Variants in AGFG1 observed in about 807,000 individuals in gnomAD.
AGFG1 encodes the protein ArfGAP with FG repeats 1.
A neutral mutation model predicts 60.6 loss-of-function variants in AGFG1; 10 were observed. That is an observed-to-expected ratio of 0.16 (90% CI 0.10 to 0.28). The LOEUF (loss-of-function observed/expected upper bound fraction) is 0.28. Ranked by LOEUF, AGFG1 falls within the 10% of genes least tolerant of loss-of-function variation. The probability of loss-of-function intolerance (pLI) is 1.00; values close to 1 mark genes in which losing one functional copy is unlikely to be tolerated. For missense variants in AGFG1, 537 were observed against 676.5 expected, an observed-to-expected ratio of 0.79 and a Z score of 2.29; for synonymous variants, 247 against 242.9, an observed-to-expected ratio of 1.02 and a Z score of -0.16.
At chr2:227,488,455 T>G (rs1294467758) in intron 1 of AGFG1, among the ~76,000 whole-genome samples, 2 of 152,216 alleles carry the variant, frequency 1.3e-5, no homozygotes, top group Non-Finnish European at 2.9e-5. Flanking sequence ...CTTTTAATAG[T>G]GTTTGATATG....
intron 10 of AGFG1, among the ~76,000 whole-genome samples, chr2:227,540,641 T>G (rs11677609): frequency 0.052 from 7,861 of 152,298 alleles, 264 homozygotes; most frequent in African/African-American, 0.1. Flanking sequence ...TCGTGAATAG[T>G]GCCGCAGTAA....
rs943226234 is a variant in AGFG1, at chr2:227,558,635, T to C, written c.*4140T>C. 6.6e-6 allele frequency: 1 copy of C among 152,194 alleles called. No individual in the cohort carries two copies. The highest frequency in any genetic ancestry group is 2.4e-5 in the African/African-American group (1 of 41,438). 9.4% of individuals were successfully genotyped at this position (152,194 alleles called of 1,614,324 possible). On this transcript the variant is annotated 3_prime_UTR_variant, in exon 13 of 13. Transcript: ENST00000310078. Reference sequence around the variant, plus strand: ...TTTCTTTTTATGTTTTAAAACTTAGTGACATTAAACTTTTCACGTGGTTGT... The same window carrying C: ...TTTCTTTTTATGTTTTAAAACTTAGCGACATTAAACTTTTCACGTGGTTGT...
intron 10 of AGFG1, among the ~76,000 whole-genome samples, 185 bp from the exon 11 acceptor site, chr2:227,551,774 A>T (rs1692827877): frequency 6.6e-6 from 1 of 152,198 alleles, no homozygotes; most frequent in South Asian, 2.1e-4. Flanking sequence ...TAAAATTTCT[A>T]CAAGTTACGT....
intron 5 of AGFG1, among the ~76,000 whole-genome samples, chr2:227,529,423 A>C (rs1056156716): frequency 6.6e-6 from 1 of 152,160 alleles, no homozygotes; most frequent in Non-Finnish European, 1.5e-5. Flanking sequence ...AATTATTCAC[A>C]TATGCCAGTC....
At chr2:227,549,010 CCTT>C (rs1452569352) in intron 10 of AGFG1, among the ~76,000 whole-genome samples, 1 of 96,742 alleles carries the variant, frequency 1.0e-5, no homozygotes, top group Non-Finnish European at 2.3e-5. Flanking sequence ...CCTCAGTTAA[CCTT>C]TTTTTTTTTG....
chr2:227,536,697 A>T lies in AGFG1; in HGVS notation c.1278A>T (p.Pro426=), dbSNP rs775025574. 1.2e-6 allele frequency: 2 copies of T among 1,613,700 alleles called. No homozygotes were observed. The highest frequency in any genetic ancestry group is 2.2e-5 in the South Asian group (2 of 91,076). ...CTGCTTCATCAAGTGTGCCTGCTCC[A>T]TTTGGAGGTATGTGCTTCTGGTATA... is the stretch of plus-strand genomic sequence containing the variant. ...TQPASSSVPA[P]FGATPSTNPF... Residue 426 remains proline (P), a synonymous_variant, in exon 9 of 13, where the codon CCA becomes CCT. Transcript: ENST00000310078.
At position 227,561,102 on chromosome 2, in the gene AGFG1, A is replaced by G. The variant is rs757085245; in HGVS notation, c.*6607A>G. 5.9e-5 allele frequency: 9 copies of G among 152,180 alleles called. No individual in the cohort carries two copies. The highest frequency in any genetic ancestry group is 1.3e-4 in the Admixed American group (2 of 15,284). 9.4% of individuals were successfully genotyped at this position (152,180 alleles called of 1,614,324 possible). On this transcript the variant is annotated 3_prime_UTR_variant, in exon 13 of 13. Coordinates refer to ENST00000310078, the MANE Select transcript of AGFG1 (RefSeq NM_004504.5). ...GATGAAAACTTACAGGCTGTTTTCAATATTCATTTCTGAAATACTTTAGTA... is the reference window on the plus strand; with the variant it reads ...GATGAAAACTTACAGGCTGTTTTCAGTATTCATTTCTGAAATACTTTAGTA...
intron 3 of AGFG1, among the ~76,000 whole-genome samples, chr2:227,522,011 A>G (rs1284420692): frequency 6.6e-6 from 1 of 152,228 alleles, no homozygotes; most frequent in Non-Finnish European, 1.5e-5. Flanking sequence ...GCTAGCAAGC[A>G]GTGAAATTGG....
At chr2:227,513,759 T>C (rs1001794011) in intron 2 of AGFG1, among the ~76,000 whole-genome samples, 1 of 152,230 alleles carries the variant, frequency 6.6e-6, no homozygotes, top group Non-Finnish European at 1.5e-5. Context: ...GTGTCTGTTA[T>C]GATTCCAATT....
chr2:227,508,444 C>A, intron 2 of AGFG1: 1 of 291,126 alleles, frequency 3.4e-6, no homozygotes, highest in South Asian at 3.3e-5. Context: ...AGCTAGCCCT[C>A]TTCTGCTACT....
intron 2 of AGFG1, among the ~76,000 whole-genome samples, chr2:227,494,775 A>T (rs1268816925): frequency 6.6e-6 from 1 of 152,218 alleles, no homozygotes; most frequent in Admixed American, 6.5e-5. Flanking sequence ...ATTGTAGTTG[A>T]ACATCCTATT....
chr2:227,540,982 C>G (rs1301100093), intron 10 of AGFG1, among the ~76,000 whole-genome samples: 1 of 152,248 alleles, frequency 6.6e-6, no homozygotes, highest in South Asian at 2.1e-4. Context: ...CTGTTGGCTG[C>G]ATAAATGTTG....
At chr2:227,529,519 A>G (rs1484858268) in intron 5 of AGFG1, among the ~76,000 whole-genome samples, 2 of 152,146 alleles carry the variant, frequency 1.3e-5, no homozygotes, top group South Asian at 2.1e-4. Context: ...TTTAGTCTTC[A>G]TGTGAGCATT....
intron 3 of AGFG1, 77 bp from the exon 4 acceptor site, chr2:227,523,686 T>G: frequency 1.5e-6 from 2 of 1,368,714 alleles, no homozygotes; most frequent in Non-Finnish European, 2.0e-6. Flanking sequence ...TTGTACAAAG[T>G]TAGAATTAAG....
intron 10 of AGFG1, among the ~76,000 whole-genome samples, chr2:227,548,914 G>A (rs1692734127): frequency 6.6e-6 from 1 of 152,148 alleles, no homozygotes; most frequent in African/African-American, 2.4e-5. Context: ...TCCATCCTGG[G>A]CGACAGAGCG....
In AGFG1 at chr2:227,555,521, C is replaced by A. The variant is rs1316962963; in HGVS notation, c.*1026C>A. ...TGTATTGGAAGTAGACATGCATTAACTGTGACATTATTGCACCTCAGTTTT... is the reference window on the plus strand; with the variant it reads ...TGTATTGGAAGTAGACATGCATTAAATGTGACATTATTGCACCTCAGTTTT... On this transcript the variant is annotated 3_prime_UTR_variant, in exon 13 of 13. Coordinates refer to ENST00000310078, the MANE Select transcript of AGFG1 (RefSeq NM_004504.5). The A allele has an allele frequency of 6.6e-6, 1 of 152,498 alleles. No homozygotes were observed. Among genetic ancestry groups the A allele is most frequent in the Non-Finnish European group, 1.5e-5 (1 of 67,992 alleles). The allele number at this position is 152,498 out of a possible 1,614,324, so 9.4% of individuals were successfully genotyped here.
At position 227,557,602 on chromosome 2, in the gene AGFG1, TTAAGTA is replaced by T. The variant is rs968238540; in HGVS notation, c.*3111_*3116del. On this transcript the variant is annotated 3_prime_UTR_variant, in exon 13 of 13. Coordinates refer to ENST00000310078, the MANE Select transcript of AGFG1 (RefSeq NM_004504.5). ...ATATTTTTAAAACATGTTTATTTAT[TTAAGTA>T]TAACAGTAATAAACTAATAACTTGC... 2 of 140,844 alleles carry T rather than the reference TTAAGTA, an allele frequency of 1.4e-5. No homozygotes were observed. Among genetic ancestry groups the T allele is most frequent in the Non-Finnish European group, 3.1e-5 (2 of 63,694 alleles). 8.7% of individuals were successfully genotyped at this position (140,844 alleles called of 1,614,324 possible).
rs114328735 is a variant in AGFG1, at chr2:227,485,182, A to G, written c.168-6365A>G. Among the ~76,000 whole-genome samples, 1,369 of 150,056 alleles carry G rather than the reference A, an allele frequency of 9.1e-3. 5 individuals carry two copies. Among genetic ancestry groups the G allele is most frequent in the Non-Finnish European group, 0.013 (879 of 67,576 alleles). On this transcript the variant is annotated intron_variant, in intron 1 of 12. Transcript: ENST00000310078. The stretch of plus-strand genomic sequence containing the variant: ...TACTACGAGCCAAATTTTGTTCCCT[A>G]TATTTTCATTCCAGTTGCTTTTAAG...
intron 1 of AGFG1, among the ~76,000 whole-genome samples, chr2:227,486,951 C>T (rs1690658647): frequency 6.6e-6 from 1 of 152,158 alleles, no homozygotes; most frequent in African/African-American, 2.4e-5. Context: ...TAGGACACCC[C>T]TCCACAATAA....
Sources: allele counts gnomAD v4.1 joint callset (sites outside exome capture counted in the v4.1 genomes callset), GRCh38; gene constraint gnomAD v4.1.1; transcripts MANE v1.5; gene names NCBI Gene and HGNC (gene_info 2026-07-23, HGNC 2026-07-21).